Variants in PRRC2B observed in about 807,000 individuals in gnomAD.
PRRC2B encodes the protein protein PRRC2B.
PRRC2B carries 68 observed loss-of-function variants against 242.3 expected under a neutral mutation model. That is an observed-to-expected ratio of 0.28 (90% CI 0.23 to 0.34). The LOEUF (loss-of-function observed/expected upper bound fraction) is 0.34. Among genes scored for constraint, PRRC2B ranks in the 10% least tolerant of loss-of-function variants. The pLI, the probability that PRRC2B is intolerant of heterozygous loss-of-function variation, is 1.00. For missense variants in PRRC2B, 2,835 were observed against 2,954.8 expected (o/e 0.96, Z 0.94); for synonymous variants, 1,228 against 1,173.6 (o/e 1.05, Z -0.95).
chr9:131,394,410 G>GGCC (rs1018647682), intron 1 of PRRC2B, 147 bp downstream of exon 1: 1 of 146,062 alleles, frequency 6.8e-6, no homozygotes, highest in Non-Finnish European at 1.5e-5. Flanking sequence ...CCGCGAGCGC[G>GGCC]GCCGCCGCCG....
chr9:131,422,461 T>A (rs868652900), intron 1 of PRRC2B, among the ~76,000 whole-genome samples: 1 of 152,218 alleles, frequency 6.6e-6, no homozygotes, highest in Admixed American at 6.5e-5. Flanking sequence ...GTAGAGCACA[T>A]GAGGGCTTAG....
At chr9:131,437,563 G>A (rs56284487) in intron 4 of PRRC2B, among the ~76,000 whole-genome samples, 14,769 of 152,196 alleles carry the variant, frequency 0.097, 852 homozygotes, top group Non-Finnish European at 0.13. Flanking sequence ...TCTTGACAGC[G>A]GGAATGAACA....
At chr9:131,434,304 G>C (rs931669185) in intron 3 of PRRC2B, among the ~76,000 whole-genome samples, 1 of 152,260 alleles carries the variant, frequency 6.6e-6, no homozygotes, top group Non-Finnish European at 1.5e-5. Context: ...ACCACCAAAA[G>C]TTCTAGAGAG....
Position 131,475,024 on chromosome 9 carries a change from G to C in PRRC2B, c.2895G>C (p.Glu965Asp). The change falls in exon 16 of 32, where the codon GAG becomes GAC. Residue 965 changes from glutamate to aspartate, a missense_variant. Transcript: ENST00000683519. ...KEKELEKIKQ[E>D]LGEESTRLAK... ...AGGAGCTTGAGAAGATTAAGCAGGAGCTAGGGGAGGAGAGTACCCGGCTGG... is the reference window on the plus strand; with the variant it reads ...AGGAGCTTGAGAAGATTAAGCAGGACCTAGGGGAGGAGAGTACCCGGCTGG... 6 of 1,607,112 alleles carry C rather than the reference G, an allele frequency of 3.7e-6. No homozygotes were observed. The highest frequency in any genetic ancestry group is 5.1e-6 in the Non-Finnish European group (6 of 1,176,806).
chr9:131,495,880 C>A lies in PRRC2B; in HGVS notation c.*6C>A, dbSNP rs1412509241. ...TGGAGGAGAGTAAGGCCTGACAGTGCCTGGCTGCCACCTCGCCTCTCCCTA... is the reference window on the plus strand; with the variant it reads ...TGGAGGAGAGTAAGGCCTGACAGTGACTGGCTGCCACCTCGCCTCTCCCTA... On this transcript the variant is annotated 3_prime_UTR_variant, in exon 32 of 32. Coordinates refer to ENST00000683519, the MANE Select transcript of PRRC2B (RefSeq NM_013318.4). 4 of 1,599,140 alleles carry A rather than the reference C, an allele frequency of 2.5e-6. No homozygotes were observed. Among genetic ancestry groups the A allele is most frequent in the Non-Finnish European group, 3.4e-6 (4 of 1,168,318 alleles).
At chr9:131,390,322 C>T (rs1166490224), upstream of PRRC2B, among the ~76,000 whole-genome samples, 1 of 149,830 alleles carries the variant, frequency 6.7e-6, no homozygotes, top group Non-Finnish European at 1.5e-5. Flanking sequence ...AATGAACGGA[C>T]GAACTTTGAT....
Position 131,495,827 on chromosome 9 carries a change from G to A in PRRC2B, c.6643G>A (p.Gly2215Arg), listed in dbSNP as rs201972065. 9.9e-6 allele frequency: 16 copies of A among 1,612,730 alleles called. No individual in the cohort carries two copies. Among genetic ancestry groups the A allele is most frequent in the South Asian group, 4.4e-5 (4 of 91,066 alleles). ...GGCTGCCTCCCAGATGAAGCGAACC[G>A]GAGCGATCAAGCCTCGGGCTGTCAA... ...PSAASQMKRTGAIKPRAVKVE... is the reference protein window; with the variant it reads ...PSAASQMKRTRAIKPRAVKVE... Residue 2215 changes from glycine to arginine, a missense_variant, in exon 32 of 32, where the codon GGA becomes AGA. By Grantham distance (125) the Gly-to-Arg change is moderately radical (BLOSUM62 -2). This residue lies in a region of PRRC2B where 574 missense variants were observed against 626.0 expected (regional missense o/e 0.92). Transcript: ENST00000683519.
chr9:131,485,223 T>A (rs1361494069), intron 25 of PRRC2B, 83 bp downstream of exon 25: 2 of 1,183,336 alleles, frequency 1.7e-6, no homozygotes, highest in African/African-American at 1.5e-5. Context: ...GAATGTCACC[T>A]CCTGGCCTTG....
intron 1 of PRRC2B, 36 bp from the exon 2 acceptor site, chr9:131,430,058 C>A: frequency 3.2e-6 from 2 of 633,834 alleles, no homozygotes; most frequent in South Asian, 4.1e-5. Context: ...TTTTTTCTCT[C>A]TCTTTTTTTT....
In PRRC2B at chr9:131,487,331, A is replaced by G; in HGVS notation, c.5984+37A>G. ...TACCAGCTTGCGGAGCTGGCAGCTC[A>G]CAGCCAGGGCCTTGGCCCTGTGTGC... On this transcript the variant is annotated intron_variant, in intron 27 of 31. Transcript: ENST00000683519. The surrounding 1 kb of genome is among the most constrained non-coding windows in gnomAD (Gnocchi z 5.3). 1.3e-6 allele frequency: 2 copies of G among 1,550,126 alleles called. No homozygotes were observed. The highest frequency in any genetic ancestry group is 2.4e-5 in the South Asian group (2 of 82,604).
chr9:131,390,214 G>A (rs1334683806), upstream of PRRC2B, among the ~76,000 whole-genome samples: 1 of 149,218 alleles, frequency 6.7e-6, no homozygotes, highest in Non-Finnish European at 1.5e-5. Flanking sequence ...CGTCTGGCCT[G>A]TGTTTGTTTT....
chr9:131,470,830 C>T lies in PRRC2B; in HGVS notation c.1954C>T (p.Pro652Ser). The T allele has an allele frequency of 2.5e-6, 4 of 1,612,470 alleles. No homozygotes were observed. Among genetic ancestry groups the T allele is most frequent in the Non-Finnish European group, 3.4e-6 (4 of 1,178,992 alleles). Residue 652 changes from proline to serine, a missense_variant, in exon 14 of 32, where the codon CCG (proline) becomes TCG (serine). Pro to Ser is a moderately conservative substitution (Grantham distance 74). This residue lies in a region of PRRC2B where 1,536 missense variants were observed against 1,483.1 expected (regional missense o/e 1.04). Coordinates refer to ENST00000683519, the MANE Select transcript of PRRC2B (RefSeq NM_013318.4). ...GCAGCACTGGCAGCCGGTGTACCCC[C>T]CGCCGTCCCACCCCCAGCGCACCTT... ...KMQHWQPVYP[P>S]PSHPQRTFYP... is the part of the protein sequence containing the mutation.
chr9:131,420,445 CTTTTTCTT>C (rs1248172128), intron 1 of PRRC2B, among the ~76,000 whole-genome samples: 1 of 123,342 alleles, frequency 8.1e-6, no homozygotes, highest in African/African-American at 3.1e-5. Context: ...TTTTCTTTTT[CTTTTTCTT>C]TTTCTTTCTT....
chr9:131,410,156 G>A (rs1285926130), intron 1 of PRRC2B, among the ~76,000 whole-genome samples: 1 of 152,180 alleles, frequency 6.6e-6, no homozygotes, highest in African/African-American at 2.4e-5. Flanking sequence ...TTCAAAGCGG[G>A]AGGTAGGCAG....
At chr9:131,434,103 G>A (rs1024974942) in intron 3 of PRRC2B, among the ~76,000 whole-genome samples, 1 of 152,132 alleles carries the variant, frequency 6.6e-6, no homozygotes, top group African/African-American at 2.4e-5. Flanking sequence ...CTTTGCTGGT[G>A]GTTACACGGT....
intron 9 of PRRC2B, among the ~76,000 whole-genome samples, chr9:131,453,115 C>T (rs1942972161): frequency 6.6e-6 from 1 of 152,216 alleles, no homozygotes; most frequent in Non-Finnish European, 1.5e-5. Flanking sequence ...TAGGCATACA[C>T]ACATTTATAG....
chr9:131,440,898 G>A (rs1397467130), intron 5 of PRRC2B, among the ~76,000 whole-genome samples: 3 of 152,092 alleles, frequency 2.0e-5, no homozygotes, highest in Admixed American at 6.6e-5. Context: ...CCGGTAGTTC[G>A]AGACCAGCCT....
intron 9 of PRRC2B, among the ~76,000 whole-genome samples, chr9:131,448,574 A>C: frequency 6.8e-6 from 1 of 147,522 alleles, no homozygotes; most frequent in Non-Finnish European, 1.5e-5. Context: ...AAAAAAAGGA[A>C]AGAGAAAGAG....
chr9:131,429,088 A>G (rs921431975), intron 1 of PRRC2B, among the ~76,000 whole-genome samples: 3 of 152,148 alleles, frequency 2.0e-5, no homozygotes, highest in Admixed American at 6.5e-5. Flanking sequence ...CTGGAATTAC[A>G]TATACCTGCC....
Sources: gnomAD v4.1 joint callset for allele counts (sites outside exome capture counted in the v4.1 genomes callset) on GRCh38, gnomAD v4.1.1 for gene constraint, gnomAD v4.1.1 regional missense constraint, Gnocchi (gnomAD v3.1) non-coding constraint, MANE v1.5 for transcripts, NCBI Gene and HGNC (gene_info 2026-07-23, HGNC 2026-07-21) for gene names.